The following TACR1 variants were observed in gnomAD, a reference collection of about 807,000 sequenced individuals.
TACR1 encodes the protein tachykinin receptor 1.
Under a neutral mutation model 35.8 loss-of-function variants are expected in TACR1, and 25 were observed. That is an observed-to-expected ratio of 0.70 (90% CI 0.51 to 0.98). The LOEUF (loss-of-function observed/expected upper bound fraction) is 0.98. TACR1 is among the 50% of genes least tolerant of loss of function. The pLI is 0.00. For missense variants in TACR1, 478 were observed against 522.9 expected (o/e 0.91, Z 0.84); for synonymous variants, 195 against 206.7 (o/e 0.94, Z 0.48).
intron 2 of TACR1, among the ~76,000 whole-genome samples, chr2:75,079,073 T>C (rs1481926338): frequency 6.6e-6 from 1 of 152,196 alleles, no homozygotes; most frequent in African/African-American, 2.4e-5. Flanking sequence ...AGGCAGCCTA[T>C]ACCATTAATT....
chr2:75,169,880 C>T (rs866855814), intron 1 of TACR1, among the ~76,000 whole-genome samples: 8 of 152,066 alleles, frequency 5.3e-5, no homozygotes, highest in African/African-American at 9.7e-5. Context: ...CTTCCCCTTT[C>T]GTCTCTGTTC....
At position 75,051,404 on chromosome 2, in the gene TACR1, C is replaced by T; in HGVS notation, c.779G>A (p.Cys260Tyr). 6.2e-7 allele frequency: 1 copy of T among 1,614,162 alleles called. No individual in the cohort carries two copies. Among genetic ancestry groups the T allele is most frequent in the South Asian group, 1.1e-5 (1 of 91,080 alleles). The change falls in exon 4 of 5, where the codon TGC becomes TAC. Residue 260 changes from cysteine to tyrosine, a missense_variant. Physicochemically the swap from Cys to Tyr is radical, Grantham distance 194. Coordinates refer to ENST00000305249, the MANE Select transcript of TACR1 (RefSeq NM_001058.4). Reference protein sequence around the residue: ...MIVVVCTFAICWLPFHIFFLL... With the variant: ...MIVVVCTFAIYWLPFHIFFLL... ...GAAGAAGATGTGGAAGGGCAGCCAG[C>T]AGATGGCGAAGGTGCACACCACGAC...
intron 1 of TACR1, among the ~76,000 whole-genome samples, chr2:75,135,094 A>G (rs1004732157): frequency 6.6e-6 from 1 of 152,178 alleles, no homozygotes; most frequent in Non-Finnish European, 1.5e-5. Context: ...TACTGGTGAT[A>G]TAGGACTTCC....
chr2:75,084,192 T>C (rs1260912781), intron 2 of TACR1, among the ~76,000 whole-genome samples: 1 of 152,200 alleles, frequency 6.6e-6, no homozygotes, highest in African/African-American at 2.4e-5. Flanking sequence ...AATCATGTGG[T>C]TTTTGTCATT....
chr2:75,186,624 C>T (rs1675710431), intron 1 of TACR1, among the ~76,000 whole-genome samples: 1 of 149,402 alleles, frequency 6.7e-6, no homozygotes, highest in Admixed American at 6.6e-5. Context: ...AGGTAATATT[C>T]AATAGTAAGT....
At chr2:75,167,357 A>C (rs1442427425) in intron 1 of TACR1, among the ~76,000 whole-genome samples, 1 of 152,212 alleles carries the variant, frequency 6.6e-6, no homozygotes, top group African/African-American at 2.4e-5. Context: ...AGCATGGTGT[A>C]TATAGGAGGG....
chr2:75,062,230 TAGGTTTCTC>T (rs1672685779), intron 2 of TACR1, among the ~76,000 whole-genome samples: 1 of 151,996 alleles, frequency 6.6e-6, no homozygotes, highest in Admixed American at 6.6e-5. Context: ...CTTTAATAGA[TAGGTTTCTC>T]ACTACAAGTA....
intron 1 of TACR1, among the ~76,000 whole-genome samples, chr2:75,153,257 C>A (rs1447948168): frequency 6.6e-6 from 1 of 152,158 alleles, no homozygotes; most frequent in African/African-American, 2.4e-5. Context: ...AGGGTAGGAA[C>A]AATACACAAT....
chr2:75,093,731 A>C (rs938552648), intron 2 of TACR1, among the ~76,000 whole-genome samples: 4 of 152,144 alleles, frequency 2.6e-5, no homozygotes, highest in African/African-American at 4.8e-5. Flanking sequence ...GTCATTTATA[A>C]ATAAGAATAA....
At chr2:75,127,478 T>C (rs2111378) in intron 1 of TACR1, among the ~76,000 whole-genome samples, 107,089 of 152,090 alleles carry the variant, frequency 0.7, 38,675 homozygotes, top group African/African-American at 0.87. Context: ...TGCCCAGTGC[T>C]GATTCACAGC....
intron 2 of TACR1, among the ~76,000 whole-genome samples, chr2:75,112,529 T>C (rs1364793718): frequency 6.6e-6 from 1 of 152,168 alleles, no homozygotes; most frequent in East Asian, 1.9e-4. Context: ...AATATTTTCT[T>C]ATGCCGTCCA....
At chr2:75,135,616 T>A (rs532105873) in intron 1 of TACR1, among the ~76,000 whole-genome samples, 1 of 152,196 alleles carries the variant, frequency 6.6e-6, no homozygotes, top group Admixed American at 6.5e-5. Context: ...AATAGCTGCT[T>A]CAAGGATGGA....
chr2:75,157,954 G>A (rs1247857756), intron 1 of TACR1, among the ~76,000 whole-genome samples: 1 of 152,342 alleles, frequency 6.6e-6, no homozygotes, highest in South Asian at 2.1e-4. Flanking sequence ...TTTAGAGCCT[G>A]TTTCTCAAGA....
chr2:75,170,736 T>C (rs1305187673), intron 1 of TACR1, among the ~76,000 whole-genome samples: 1 of 152,168 alleles, frequency 6.6e-6, no homozygotes, highest in Non-Finnish European at 1.5e-5. Context: ...CTTATTATGT[T>C]TTAGCAAAGA....
At chr2:75,154,410 G>GCGCGCGCGCGCGCGCGCGCGCGCGCT (rs1166779798) in intron 1 of TACR1, 1 of 75,364 alleles carries the variant, frequency 1.3e-5, no homozygotes, top group Non-Finnish European at 2.8e-5. Context: ...GAGCGCGCAC[G>GCGCGCGCGCGCGCGCGCGCGCGCGCT]CACACACACA....
At chr2:75,107,217 C>A (rs1304938569) in intron 2 of TACR1, among the ~76,000 whole-genome samples, 7 of 151,814 alleles carry the variant, frequency 4.6e-5, no homozygotes, top group Non-Finnish European at 1.0e-4. Flanking sequence ...ATATCTTCAG[C>A]ACATGTAAGG....
Position 75,198,835 on chromosome 2 carries a change from G to C in TACR1, c.100C>G (p.Leu34Val). ...ATGACCGTGTAGGCAGCTGCCCAAA[G>C]GACAATTTGCCAGGCTGGTTGCACG... The part of the protein sequence containing the change: ...QFVQPAWQIV[L>V]WAAAYTVIVV... Residue 34 changes from leucine (L) to valine (V), a missense_variant, in exon 1 of 5, where the codon CTT (leucine) becomes GTT (valine). Transcript: ENST00000305249. 1 of 1,614,128 alleles carries C rather than the reference G, an allele frequency of 6.2e-7. No individual in the cohort carries two copies. Among genetic ancestry groups the C allele is most frequent in the Non-Finnish European group, 8.5e-7 (1 of 1,180,024 alleles).
rs369757109 is a variant in TACR1, at chr2:75,054,539, G to T, written c.585-784C>A. Among the ~76,000 whole-genome samples the T allele has an allele frequency of 5.3e-5, 8 of 152,198 alleles. No homozygotes were observed. The East Asian group carries it at 1.5e-3, about 29-fold the overall frequency. ...ACATGAGCAAGAAATAAACCTTTGTGGTGTTAAGCCACTGAGATATTGAGG... is the reference window on the plus strand; with the variant it reads ...ACATGAGCAAGAAATAAACCTTTGTTGTGTTAAGCCACTGAGATATTGAGG... On this transcript the variant is annotated intron_variant, in intron 2 of 4. Transcript: ENST00000305249.
chr2:75,067,769 G>A (rs964491568), intron 2 of TACR1, among the ~76,000 whole-genome samples: 13 of 152,174 alleles, frequency 8.5e-5, no homozygotes, highest in African/African-American at 2.9e-4. Flanking sequence ...AATGTGCTGG[G>A]CACATTGGAG....
Sources: allele counts gnomAD v4.1 joint callset (sites outside exome capture counted in the v4.1 genomes callset), GRCh38; gene constraint gnomAD v4.1.1; transcripts MANE v1.5; gene names NCBI Gene and HGNC (gene_info 2026-07-23, HGNC 2026-07-21).